Variants in SYNJ1 observed in about 807,000 individuals in gnomAD.
SYNJ1 encodes the protein synaptojanin 1, also known as polyphosphatidylinositol phosphatase SYNJ1.
A neutral mutation model predicts 168.2 loss-of-function variants in SYNJ1; 78 were observed. The ratio of observed to expected loss-of-function variants is 0.46; its 90% CI spans 0.39 to 0.56. The LOEUF (loss-of-function observed/expected upper bound fraction) is 0.56, where lower values mean the gene tolerates loss of function less well. SYNJ1 is among the 20% of genes least tolerant of loss of function. The pLI is 0.00. For missense variants in SYNJ1, 1,303 were observed against 1,597.6 expected (o/e 0.82, Z 3.14); for synonymous variants, 539 against 548.6 (o/e 0.98, Z 0.24).
Position 32,630,538 on chromosome 21 carries a change from T to C in SYNJ1, c.*1267A>G, listed in dbSNP as rs1415693670. The C allele has an allele frequency of 3.0e-5, 5 of 164,944 alleles. No individual in the cohort carries two copies. Among genetic ancestry groups the C allele is most frequent in the South Asian group, 3.1e-4 (2 of 6,522 alleles). 10.2% of individuals were successfully genotyped at this position (164,944 alleles called of 1,614,324 possible). A position where few individuals can be genotyped will look rare whatever the true frequency, so the allele number is the denominator to read the frequency against. ...TGTATTATATATGTACACATACCTA[T>C]ACTTTTTTCCTTTAAAGCAATGCCT... On this transcript the variant is annotated 3_prime_UTR_variant, in exon 33 of 33. Coordinates refer to ENST00000674351, the MANE Select transcript of SYNJ1 (RefSeq NM_203446.3).
At chr21:32,658,306 G>T (rs1328035282) in intron 18 of SYNJ1, among the ~76,000 whole-genome samples, 1 of 152,218 alleles carries the variant, frequency 6.6e-6, no homozygotes. Flanking sequence ...TCAGAGAGAA[G>T]CAGCTTGACT....
At chr21:32,671,369 T>A (rs1029986508) in intron 14 of SYNJ1, among the ~76,000 whole-genome samples, 1 of 151,914 alleles carries the variant, frequency 6.6e-6, no homozygotes, top group African/African-American at 2.4e-5. Flanking sequence ...TAAAAAAAAA[T>A]TATTGACTGC....
In SYNJ1 at chr21:32,687,080, TAAGA is replaced by T. The variant is rs764989740; in HGVS notation, c.852-10_852-7del. ...TCTTAAGTGTTCTAAAATGCCTATTTAAGAAAGAAAGGAAATAAATACATGTCAA... is the reference window on the plus strand; with the variant it reads ...TCTTAAGTGTTCTAAAATGCCTATTTAAGAAAGGAAATAAATACATGTCAA... On this transcript the variant is annotated splice_region_variant and splice_polypyrimidine_tract_variant and intron_variant, in intron 7 of 32. Transcript: ENST00000674351. 9.1e-6 allele frequency: 13 copies of T among 1,428,280 alleles called. No individual in the cohort carries two copies. The highest frequency in any genetic ancestry group is 5.2e-5 in the East Asian group (2 of 38,194). The allele number at this position is 1,428,280 out of a possible 1,614,324, so 88.5% of individuals were successfully genotyped here.
At position 32,727,812 on chromosome 21, in the gene SYNJ1, C is replaced by T. The variant is rs1035981908; in HGVS notation, c.-23+134G>A. On this transcript the variant is annotated intron_variant, in intron 1 of 32. Coordinates refer to ENST00000674351, the MANE Select transcript of SYNJ1 (RefSeq NM_203446.3). ...ACAACCCCGCCCGTCCTCCCGCACC[C>T]CGGCTGCTCGCGGTCGCCCCTCACC... The T allele has an allele frequency of 3.6e-5, 52 of 1,456,366 alleles. No individual in the cohort carries two copies. The South Asian group carries it at 6.4e-4, about 18-fold the overall frequency. The allele number at this position is 1,456,366 out of a possible 1,614,324, so 90.2% of individuals were successfully genotyped here. A position where few individuals can be genotyped will look rare whatever the true frequency, so the allele number is the denominator to read the frequency against.
At chr21:32,665,817 T>G in intron 17 of SYNJ1, 126 bp downstream of exon 17, 2 of 997,178 alleles carry the variant, frequency 2.0e-6, no homozygotes, top group African/African-American at 1.6e-5. Flanking sequence ...GAAATATCTA[T>G]TTAGGTGAAT....
chr21:32,657,189 G>A, intron 19 of SYNJ1, 69 bp from the exon 20 acceptor site: 1 of 1,039,838 alleles, frequency 9.6e-7, no homozygotes, highest in Non-Finnish European at 1.5e-6. Context: ...GAGCAAAGAG[G>A]CATTCTCCTT....
At chr21:32,670,158 C>T in intron 15 of SYNJ1, 130 bp downstream of exon 15, 1 of 657,880 alleles carries the variant, frequency 1.5e-6, no homozygotes, top group East Asian at 2.9e-5. Context: ...GAGAAATGCT[C>T]TTTTACAGTT....
intron 9 of SYNJ1, among the ~76,000 whole-genome samples, chr21:32,684,621 T>G (rs909057928): frequency 3.9e-5 from 6 of 152,206 alleles, no homozygotes; most frequent in Non-Finnish European, 8.8e-5. Context: ...CTATTTCACA[T>G]ACAAAAACTG....
At chr21:32,678,877 AT>A in intron 11 of SYNJ1, 76 bp from the exon 12 acceptor site, 1 of 1,551,006 alleles carries the variant, frequency 6.4e-7, no homozygotes, top group South Asian at 1.2e-5. Flanking sequence ...GTTTTTTGAA[AT>A]TTTAAATCAG....
chr21:32,646,201 A>G (rs978116468), intron 24 of SYNJ1, among the ~76,000 whole-genome samples, 192 bp downstream of exon 24: 1 of 152,228 alleles, frequency 6.6e-6, no homozygotes, highest in African/African-American at 2.4e-5. Context: ...GATTAAGAAC[A>G]ATTGTCATCT....
intron 14 of SYNJ1, among the ~76,000 whole-genome samples, chr21:32,672,079 A>AAAAAAAAAAAAAAAAAAG (rs2041222115): frequency 8.5e-6 from 1 of 117,912 alleles, no homozygotes; most frequent in Non-Finnish European, 1.8e-5. Flanking sequence ...AAAAAAAAAA[A>AAAAAAAAAAAAAAAAAAG]AAAAAGAAAA....
rs1483210054 is a variant in SYNJ1, at chr21:32,665,927, A to G, written c.2145+16T>C. On this transcript the variant is annotated intron_variant, in intron 17 of 32. Transcript: ENST00000674351. ...TTTCAAAGCTTTATCTTCAAGAACA[A>G]GCAGCAAGAGCTTACCATAGGAAAA... The G allele has an allele frequency of 2.5e-6, 4 of 1,568,878 alleles. No homozygotes were observed. The highest frequency in any genetic ancestry group is 3.5e-6 in the Non-Finnish European group (4 of 1,158,438).
intron 4 of SYNJ1, 127 bp from the exon 5 acceptor site, chr21:32,695,409 C>A: frequency 2.3e-6 from 2 of 870,104 alleles, no homozygotes; most frequent in Non-Finnish European, 3.4e-6. Flanking sequence ...CAAATCAATT[C>A]ATTTACATTT....
Position 32,630,864 on chromosome 21 carries a change from C to A in SYNJ1, c.*941G>T. The A allele has an allele frequency of 1.1e-6, 1 of 884,596 alleles. No individual in the cohort carries two copies. The highest frequency in any genetic ancestry group is 2.9e-5 in the Admixed American group (1 of 34,688). 54.8% of individuals were successfully genotyped at this position (884,596 alleles called of 1,614,324 possible). A position where few individuals can be genotyped will look rare whatever the true frequency, so the allele number is the denominator to read the frequency against. ...ACACATAGTCCAACTCTGTACACATCAAATAGTGGTGTTTTGTGAAGATAT... is the reference window on the plus strand; with the variant it reads ...ACACATAGTCCAACTCTGTACACATAAAATAGTGGTGTTTTGTGAAGATAT... On this transcript the variant is annotated 3_prime_UTR_variant, in exon 33 of 33. Coordinates refer to ENST00000674351, the MANE Select transcript of SYNJ1 (RefSeq NM_203446.3).
At chr21:32,634,109 T>C (rs1313930350) in intron 32 of SYNJ1, among the ~76,000 whole-genome samples, 1 of 152,254 alleles carries the variant, frequency 6.6e-6, no homozygotes, top group African/African-American at 2.4e-5. Context: ...AATTTTGTGC[T>C]CTGCCAGCTT....
At chr21:32,641,468 A>G (rs995683208) in intron 29 of SYNJ1, among the ~76,000 whole-genome samples, 6 of 152,192 alleles carry the variant, frequency 3.9e-5, no homozygotes, top group Non-Finnish European at 8.8e-5. Context: ...GAAAAAAACC[A>G]AAAAGAGAAA....
chr21:32,666,263 A>G, intron 16 of SYNJ1, 128 bp from the exon 17 acceptor site: 1 of 1,414,006 alleles, frequency 7.1e-7, no homozygotes, highest in Non-Finnish European at 9.5e-7. Flanking sequence ...CCTTTGAAAT[A>G]GTACAGTGAA....
intron 29 of SYNJ1, 132 bp from the exon 30 acceptor site, chr21:32,639,911 T>A: frequency 1.5e-6 from 1 of 679,220 alleles, no homozygotes; most frequent in Non-Finnish European, 2.5e-6. Context: ...TTTTAAGTGC[T>A]CTCTACTTGA....
chr21:32,638,879 T>C, intron 31 of SYNJ1, 29 bp downstream of exon 31: 3 of 1,563,264 alleles, frequency 1.9e-6, no homozygotes, highest in Non-Finnish European at 2.6e-6. Context: ...GCATCAAAGA[T>C]AATATTTTGT....
Sources: allele counts gnomAD v4.1 joint callset (sites outside exome capture counted in the v4.1 genomes callset), GRCh38; gene constraint gnomAD v4.1.1; transcripts MANE v1.5; gene names NCBI Gene and HGNC (gene_info 2026-07-23, HGNC 2026-07-21).